Variants in RAB37 observed in about 807,000 individuals in gnomAD.
RAB37 encodes ras-related protein Rab-37.
A neutral mutation model predicts 33.1 loss-of-function variants in RAB37; 29 were observed. The observed-to-expected ratio is 0.88, with a 90% CI of 0.65 to 1.20. The LOEUF is 1.20. Ranked by LOEUF, RAB37 falls within the 50% of genes most tolerant of loss-of-function variation. The pLI, the probability that RAB37 is intolerant of heterozygous loss-of-function variation, is 0.00. For synonymous variants in RAB37, 128 were observed against 119.5 expected (o/e 1.07, Z -0.47); for missense variants, 299 against 301.1 (o/e 0.99, Z 0.05).
chr17:74,700,141 CAATAAATAAATA>C (rs77860062), intron 1 of RAB37, among the ~76,000 whole-genome samples: 2 of 147,722 alleles, frequency 1.4e-5, no homozygotes, highest in African/African-American at 2.5e-5. Context: ...GACCCTGTCT[CAATAAATAAATA>C]AATAAATAAA....
Position 74,746,056 on chromosome 17 carries a change from C to T in RAB37, c.*645C>T, listed in dbSNP as rs954968650. On this transcript the variant is annotated 3_prime_UTR_variant, in exon 9 of 9. Coordinates refer to ENST00000392613, the MANE Select transcript of RAB37 (RefSeq NM_001006638.3). This position sits in a 1 kb window ranked among gnomAD's most constrained non-coding sequence, Gnocchi z 5.2. ...ACTAACACCCCCCTGGAGGCATGCC[C>T]CTTTTCTCCAGCACACAAGCACATT... The T allele has an allele frequency of 6.6e-6, 1 of 152,198 alleles. No individual in the cohort carries two copies. Among genetic ancestry groups the T allele is most frequent in the African/African-American group, 2.4e-5 (1 of 41,396 alleles). The allele number at this position is 152,198 out of a possible 1,614,324, so 9.4% of individuals were successfully genotyped here. A position where few individuals can be genotyped will look rare whatever the true frequency, so the allele number is the denominator to read the frequency against.
intron 1 of RAB37, among the ~76,000 whole-genome samples, chr17:74,737,629 A>G (rs2034512362): frequency 6.6e-6 from 1 of 152,062 alleles, no homozygotes; most frequent in South Asian, 2.1e-4. Context: ...ACTCTGGCAA[A>G]TATGAGCCCC....
At chr17:74,711,117 G>A (rs565252294) in intron 1 of RAB37, among the ~76,000 whole-genome samples, 106 of 152,184 alleles carry the variant, frequency 7.0e-4, no homozygotes, top group African/African-American at 2.4e-3. Flanking sequence ...GTTTTAAAAC[G>A]ATAAATTATT....
Position 74,719,367 on chromosome 17 carries a change from C to T in RAB37, c.73-9889C>T, listed in dbSNP as rs1158151478. On this transcript the variant is annotated intron_variant, in intron 1 of 7. Coordinates refer to the RAB37 transcript ENST00000340415. ...TGGGAGGCTGAAGTGGGAGGATCACCCGAGCCCAGAGAGGTCGAGGCTGCA... is the reference window on the plus strand; with the variant it reads ...TGGGAGGCTGAAGTGGGAGGATCACTCGAGCCCAGAGAGGTCGAGGCTGCA... Among the ~76,000 whole-genome samples the T allele has an allele frequency of 2.0e-5, 3 of 152,118 alleles. No individual in the cohort carries two copies. In the East Asian group the frequency reaches 5.8e-4, roughly 29 times the overall value.
intron 1 of RAB37, among the ~76,000 whole-genome samples, chr17:74,691,812 C>T (rs2032161156): frequency 6.6e-6 from 1 of 151,724 alleles, no homozygotes; most frequent in Non-Finnish European, 1.5e-5. Flanking sequence ...CCACTTTATG[C>T]ACAATAGTTG....
chr17:74,671,582 C>A lies in RAB37; in HGVS notation c.-5C>A. On this transcript the variant is annotated 5_prime_UTR_variant, in exon 1 of 8. Transcript: ENST00000340415. This position sits in a 1 kb window ranked among gnomAD's most constrained non-coding sequence, Gnocchi z 5.0. ...AGAGCCGGAGCGGCGAGCTCCAAGCCTGGCATGGACCTGCAGAGACCCGAT... is the reference window on the plus strand; with the variant it reads ...AGAGCCGGAGCGGCGAGCTCCAAGCATGGCATGGACCTGCAGAGACCCGAT... 6.2e-7 allele frequency: 1 copy of A among 1,614,184 alleles called. No individual in the cohort carries two copies. Among genetic ancestry groups the A allele is most frequent in the East Asian group, 2.2e-5 (1 of 44,882 alleles).
chr17:74,713,009 G>A (rs2034080154), intron 1 of RAB37: 1 of 860,410 alleles, frequency 1.2e-6, no homozygotes. Flanking sequence ...GAGACTAAAA[G>A]AGGAAGGAGG....
At chr17:74,743,765 C>A (rs115801190) in intron 5 of RAB37, among the ~76,000 whole-genome samples, 2 of 152,164 alleles carry the variant, frequency 1.3e-5, no homozygotes, top group Non-Finnish European at 2.9e-5. Flanking sequence ...ATTATAGAGA[C>A]AAAAATTTGA....
At chr17:74,735,022 A>AAGGAAGG (rs1555594260), upstream of RAB37, among the ~76,000 whole-genome samples, 175 of 24,712 alleles carry the variant, frequency 7.1e-3, no homozygotes, top group African/African-American at 0.015. Flanking sequence ...AGGAAGGAAG[A>AAGGAAGG]AAGAAAGAAA....
chr17:74,698,380 T>G (rs1032015009), intron 1 of RAB37: 6 of 1,612,406 alleles, frequency 3.7e-6, no homozygotes, highest in Non-Finnish European at 5.1e-6. Flanking sequence ...TTTCTGCTGG[T>G]ACTTCATCAT....
chr17:74,741,770 C>T (rs1410899582), intron 2 of RAB37, among the ~76,000 whole-genome samples: 1 of 152,152 alleles, frequency 6.6e-6, no homozygotes, highest in African/African-American at 2.4e-5. Flanking sequence ...CAGCTTCAAG[C>T]AGGCAGAAAG....
chr17:74,710,480 G>GC (rs2033864838), intron 1 of RAB37, among the ~76,000 whole-genome samples: 1 of 152,122 alleles, frequency 6.6e-6, no homozygotes, highest in Non-Finnish European at 1.5e-5. Flanking sequence ...AAGTAAAGTA[G>GC]AAAAGTGCTC....
intron 1 of RAB37, chr17:74,703,185 C>A: frequency 6.5e-7 from 1 of 1,548,886 alleles, no homozygotes; most frequent in South Asian, 1.1e-5. Context: ...CACAGATGCC[C>A]CTGCCCATGA....
chr17:74,740,795 G>C lies in RAB37; in HGVS notation c.121G>C (p.Gly41Arg). 6.2e-7 allele frequency: 1 copy of C among 1,614,030 alleles called. No individual in the cohort carries two copies. Among genetic ancestry groups the C allele is most frequent in the Non-Finnish European group, 8.5e-7 (1 of 1,179,994 alleles). The change falls in exon 2 of 9, where the codon GGC (glycine) becomes CGC (arginine). Residue 41 changes from glycine to arginine, a missense_variant. Gly to Arg is a moderately radical substitution (Grantham distance 125). Coordinates refer to ENST00000392613, the MANE Select transcript of RAB37 (RefSeq NM_001006638.3). ...GATGCTTCTGGGAGACACAGGCGTC[G>C]GCAAAACATGTTTCCTGATCCAATT... ...KVMLLGDTGV[G>R]KTCFLIQFKD...
rs1371905010 is a variant in RAB37 at position 74,744,604 on chromosome 17, T to C, written c.432+231T>C. 1.4e-5 allele frequency: 9 copies of C among 623,834 alleles called. No homozygotes were observed. Among genetic ancestry groups the C allele is most frequent in the Non-Finnish European group, 2.3e-5 (8 of 353,242 alleles). 38.6% of individuals were successfully genotyped at this position (623,834 alleles called of 1,614,324 possible). ...GGGGTGCCCAGTTCTCAGCCCCCATTAGAGCAGAGTGAACAGGGTCCCAGG... is the reference window on the plus strand; with the variant it reads ...GGGGTGCCCAGTTCTCAGCCCCCATCAGAGCAGAGTGAACAGGGTCCCAGG... On this transcript the variant is annotated intron_variant, in intron 6 of 8. Coordinates refer to ENST00000392613, the MANE Select transcript of RAB37 (RefSeq NM_001006638.3). This position sits in a 1 kb window ranked among gnomAD's most constrained non-coding sequence, Gnocchi z 4.2.
chr17:74,681,491 T>C (rs1273636529), intron 1 of RAB37, among the ~76,000 whole-genome samples: 1 of 152,168 alleles, frequency 6.6e-6, no homozygotes, highest in Non-Finnish European at 1.5e-5. Flanking sequence ...GAAACTAAGC[T>C]GGATCCCTTC....
intron 1 of RAB37, among the ~76,000 whole-genome samples, chr17:74,693,101 G>C (rs976405273): frequency 2.6e-5 from 4 of 152,204 alleles, no homozygotes; most frequent in African/African-American, 4.8e-5. Context: ...ATTGGAGGTG[G>C]GCTGCAGGGG....
At chr17:74,672,451 A>T (rs2031727378) in intron 1 of RAB37, among the ~76,000 whole-genome samples, 1 of 152,208 alleles carries the variant, frequency 6.6e-6, no homozygotes, top group African/African-American at 2.4e-5. Context: ...TTCACCTGCT[A>T]GTCCTTTGAA....
chr17:74,712,673 G>A (rs181726936), intron 1 of RAB37: 24 of 762,244 alleles, frequency 3.1e-5, no homozygotes, highest in East Asian at 1.1e-4. Flanking sequence ...CCTTGGCAAC[G>A]GAAATGCTAG....
Sources: gnomAD v4.1 joint callset for allele counts (sites outside exome capture counted in the v4.1 genomes callset) on GRCh38, gnomAD v4.1.1 for gene constraint, Gnocchi (gnomAD v3.1) non-coding constraint, MANE v1.5 for transcripts, NCBI Gene and HGNC (gene_info 2026-07-23, HGNC 2026-07-21) for gene names.